PCDHA2: variants seen among roughly 807,000 people sequenced by gnomAD.
PCDHA2 encodes protocadherin alpha-2.
In PCDHA2, 58 loss-of-function variants were observed where a neutral mutation model predicts 66.0. That is an observed-to-expected ratio of 0.88 (90% CI 0.71 to 1.09). The LOEUF (loss-of-function observed/expected upper bound fraction) is 1.09. Among genes scored for constraint, PCDHA2 ranks in the 50% least tolerant of loss-of-function variants. The probability of loss-of-function intolerance (pLI) is 0.00; values close to 1 mark genes in which losing one functional copy is unlikely to be tolerated. For synonymous variants in PCDHA2, 634 were observed against 554.0 expected (o/e 1.14, Z -2.03); for missense variants, 1,267 against 1,242.3 (o/e 1.02, Z -0.30).
intron 1 of PCDHA2, chr5:140,829,807 T>G (rs146736705): frequency 5.0e-6 from 8 of 1,613,716 alleles, no homozygotes; most frequent in Non-Finnish European, 6.8e-6. Flanking sequence ...GGGTGGGTGG[T>G]ACTGGTGGTG....
At chr5:140,927,494 T>C (rs1235909927) in intron 1 of PCDHA2, 5 of 1,614,018 alleles carry the variant, frequency 3.1e-6, no homozygotes, top group Non-Finnish European at 4.2e-6. Context: ...ACCCACCTGC[T>C]GGTGCTTACA....
Position 140,851,565 on chromosome 5 carries a change from G to T in PCDHA2, c.2388+54213G>T, listed in dbSNP as rs558874725. Reference sequence around the variant, plus strand: ...TTCAAGAAATGTTGACTGAAATTTTGTCTACACTTAGAACATTTTTTGAAA... The same window carrying T: ...TTCAAGAAATGTTGACTGAAATTTTTTCTACACTTAGAACATTTTTTGAAA... On this transcript the variant is annotated intron_variant, in intron 1 of 3. Transcript: ENST00000526136. The T allele has an allele frequency of 3.3e-6, 3 of 908,000 alleles. No homozygotes were observed. In the African/African-American group the frequency reaches 5.4e-5, roughly 16 times the overall value. 56.2% of individuals were successfully genotyped at this position (908,000 alleles called of 1,614,324 possible).
At chr5:140,803,888 T>C (rs956111748) in intron 1 of PCDHA2, 13 of 538,706 alleles carry the variant, frequency 2.4e-5, no homozygotes, top group Admixed American at 3.6e-5. Context: ...CTTAGATGAA[T>C]TGCATTATTT....
intron 1 of PCDHA2, among the ~76,000 whole-genome samples, chr5:140,972,103 CA>C (rs1388508761): frequency 2.0e-5 from 3 of 152,104 alleles, no homozygotes; most frequent in Non-Finnish European, 4.4e-5. Context: ...GGCATAGAAG[CA>C]GGTAACAAAT....
At position 140,796,593 on chromosome 5, in the gene PCDHA2, G is replaced by T. The variant is rs782688537; in HGVS notation, c.1629G>T (p.Pro543=). 20 of 1,612,470 alleles carry T rather than the reference G, an allele frequency of 1.2e-5. No homozygotes were observed. The South Asian group carries it at 2.2e-4, about 18-fold the overall frequency. ...FQVSARDAGV[P]PLGSNVTLQV... ...TGAGCGCGCGGGATGCGGGCGTGCC[G>T]CCTCTGGGCAGCAACGTGACGCTGC... is the stretch of plus-strand genomic sequence containing the variant. Residue 543 remains proline, a synonymous_variant, in exon 1 of 4, where the codon CCG becomes CCT. Coordinates refer to ENST00000526136, the MANE Select transcript of PCDHA2 (RefSeq NM_018905.3).
In PCDHA2 at chr5:140,841,379, C is replaced by A. The variant is rs2150314416; in HGVS notation, c.2388+44027C>A. The A allele has an allele frequency of 9.9e-6, 16 of 1,613,486 alleles. No homozygotes were observed. In the African/African-American group the frequency reaches 2.1e-4, roughly 22 times the overall value. ...CTGGCGACTACTACTCTTGCTTCTG[C>A]TCCTCGCAGCCTGGAAGGTGGGGAG... On this transcript the variant is annotated intron_variant, in intron 1 of 3. Coordinates refer to ENST00000526136, the MANE Select transcript of PCDHA2 (RefSeq NM_018905.3).
chr5:140,978,642 C>T (rs140934683), intron 1 of PCDHA2, among the ~76,000 whole-genome samples: 126 of 152,354 alleles, frequency 8.3e-4, no homozygotes, highest in African/African-American at 2.8e-3. Context: ...TCAAAGCAGA[C>T]TGTTCTTCCC....
chr5:140,801,967 A>T, intron 1 of PCDHA2: 1 of 1,614,182 alleles, frequency 6.2e-7, no homozygotes, highest in South Asian at 1.1e-5. Flanking sequence ...AATGCACCAA[A>T]TGGTACCCTA....
intron 1 of PCDHA2, among the ~76,000 whole-genome samples, chr5:140,839,447 T>C (rs2150297946): frequency 3.3e-5 from 5 of 151,970 alleles, no homozygotes; most frequent in Non-Finnish European, 5.9e-5. Flanking sequence ...TGCAGTGCAG[T>C]GGCACAATCT....
intron 1 of PCDHA2, among the ~76,000 whole-genome samples, chr5:140,840,430 A>T (rs1776694200): frequency 6.6e-6 from 1 of 151,990 alleles, no homozygotes; most frequent in Admixed American, 6.6e-5. Flanking sequence ...GCTAGTTTAA[A>T]GCCGTGGAAA....
intron 1 of PCDHA2, chr5:140,807,070 A>G (rs1554123734): frequency 1.7e-6 from 2 of 1,178,500 alleles, no homozygotes; most frequent in Non-Finnish European, 2.4e-6. Flanking sequence ...AAGGAACCAT[A>G]TACACTCTTT....
At chr5:140,876,980 C>T (rs782646541) in intron 1 of PCDHA2, 18 of 1,612,542 alleles carry the variant, frequency 1.1e-5, no homozygotes, top group Admixed American at 1.7e-5. Flanking sequence ...GGCGAGCACG[C>T]ACTGTCGAGC....
At chr5:140,895,691 T>C (rs571770501) in intron 1 of PCDHA2, among the ~76,000 whole-genome samples, 3 of 152,322 alleles carry the variant, frequency 2.0e-5, no homozygotes, top group South Asian at 4.1e-4. Flanking sequence ...TCTGTTTCTA[T>C]ATTAATTCAC....
chr5:140,828,962 G>A, intron 1 of PCDHA2: 1 of 1,614,220 alleles, frequency 6.2e-7, no homozygotes, highest in Non-Finnish European at 8.5e-7. Context: ...CATGGTTATT[G>A]ACCACTTTAG....
chr5:140,863,231 C>T lies in PCDHA2; in HGVS notation c.2388+65879C>T, dbSNP rs189351986. On this transcript the variant is annotated intron_variant, in intron 1 of 3. Coordinates refer to ENST00000526136, the MANE Select transcript of PCDHA2 (RefSeq NM_018905.3). The stretch of plus-strand genomic sequence containing the variant: ...AGCAGCCAAGCGAGGAAGGTCCCAT[C>T]GCGGGCTTTGGCGGGCGTCGAGGTC... 2.5e-3 allele frequency: 3,078 copies of T among 1,227,642 alleles called. 13 individuals are homozygous for T. Among genetic ancestry groups the T allele is most frequent in the Middle Eastern group, 9.9e-3 (48 of 4,856 alleles). The allele number at this position is 1,227,642 out of a possible 1,614,324, so 76.0% of individuals were successfully genotyped here.
intron 1 of PCDHA2, chr5:140,884,288 C>T: frequency 6.2e-7 from 1 of 1,613,630 alleles, no homozygotes; most frequent in Non-Finnish European, 8.5e-7. Flanking sequence ...GGAGAGCGGC[C>T]AAGCGCCACA....
intron 1 of PCDHA2, chr5:140,929,202 G>T (rs2085922750): frequency 1.2e-6 from 2 of 1,613,984 alleles, no homozygotes; most frequent in African/African-American, 1.3e-5. Context: ...ACAGTTTGCT[G>T]TTGCGTGGGG....
At chr5:140,862,744 C>T in intron 1 of PCDHA2, 1 of 577,744 alleles carries the variant, frequency 1.7e-6, no homozygotes, top group South Asian at 1.4e-5. Flanking sequence ...TGTGTGGGTG[C>T]ACGCGGAGAG....
chr5:140,897,946 T>G (rs1311278458), intron 1 of PCDHA2, among the ~76,000 whole-genome samples: 1 of 152,276 alleles, frequency 6.6e-6, no homozygotes, highest in African/African-American at 2.4e-5. Context: ...CCAGTGATGA[T>G]TAGCATTTTT....
Sources: allele counts gnomAD v4.1 joint callset (sites outside exome capture counted in the v4.1 genomes callset), GRCh38; gene constraint gnomAD v4.1.1; transcripts MANE v1.5; gene names NCBI Gene and HGNC (gene_info 2026-07-23, HGNC 2026-07-21).